The following ZDHHC15 variants were observed in gnomAD, a reference collection of about 807,000 sequenced individuals.
ZDHHC15 encodes palmitoyltransferase ZDHHC15.
In ZDHHC15, 19 loss-of-function variants were observed where a neutral mutation model predicts 31.7. That is an observed-to-expected ratio of 0.60 (90% CI 0.42 to 0.88). The LOEUF is 0.88. ZDHHC15 is among the 40% of genes least tolerant of loss of function. The probability of loss-of-function intolerance (pLI) is 0.00; values close to 1 mark genes in which losing one functional copy is unlikely to be tolerated. For synonymous variants in ZDHHC15, 103 were observed against 90.0 expected, an observed-to-expected ratio of 1.14 and a Z score of -0.82; for missense variants, 209 against 251.2, an observed-to-expected ratio of 0.83 and a Z score of 1.14.
At chrX:75,492,539 C>T (rs953902665) in intron 2 of ZDHHC15, among the ~76,000 whole-genome samples, 6 of 111,604 alleles carry the variant, frequency 5.4e-5, no homozygotes, top group African/African-American at 2.0e-4. Flanking sequence ...AAGTAAAGCA[C>T]TCCTCGGCAA....
chrX:75,384,032 G>A (rs955680366), intron 10 of ZDHHC15, among the ~76,000 whole-genome samples: 7 of 110,348 alleles, frequency 6.3e-5, no homozygotes, highest in Non-Finnish European at 1.3e-4. Flanking sequence ...GTGAACCACC[G>A]CACCCGGCCA....
chrX:75,488,493 C>T (rs936657025), intron 2 of ZDHHC15, among the ~76,000 whole-genome samples: 10 of 112,388 alleles, frequency 8.9e-5, no homozygotes, highest in Non-Finnish European at 1.9e-4. Context: ...CATTACCAAG[C>T]CAGCTCTACA....
intron 3 of ZDHHC15, among the ~76,000 whole-genome samples, chrX:75,471,752 G>C: frequency 8.9e-6 from 1 of 111,740 alleles, no homozygotes; most frequent in Admixed American, 9.5e-5. Context: ...TGCCACTTGG[G>C]CTATATGACC....
intron 7 of ZDHHC15, among the ~76,000 whole-genome samples, chrX:75,428,056 T>C (rs2083735119): frequency 9.0e-6 from 1 of 111,689 alleles, no homozygotes; most frequent in African/African-American, 3.2e-5. Flanking sequence ...ACTGAATTCA[T>C]GTTCTTTCTC....
At chrX:75,383,875 A>T (rs1237173967) in intron 10 of ZDHHC15, among the ~76,000 whole-genome samples, 1 of 104,072 alleles carries the variant, frequency 9.6e-6, no homozygotes, top group Non-Finnish European at 1.9e-5. Context: ...AGTAGCTGGG[A>T]CTACAGGCAT....
At chrX:75,396,587 C>T (rs2083301223) in intron 10 of ZDHHC15, among the ~76,000 whole-genome samples, 1 of 111,481 alleles carries the variant, frequency 9.0e-6, no homozygotes, top group African/African-American at 3.3e-5. Flanking sequence ...TTGGCATTTC[C>T]TCAGAAAACT....
intron 1 of ZDHHC15, among the ~76,000 whole-genome samples, chrX:75,516,554 T>C (rs1031532361): frequency 1.2e-4 from 14 of 112,178 alleles, no homozygotes; most frequent in African/African-American, 3.6e-4. Context: ...TGAAACTGGA[T>C]CCCTTCCTTA....
chrX:75,500,880 C>T (rs1040865835), intron 2 of ZDHHC15, among the ~76,000 whole-genome samples: 8 of 110,087 alleles, frequency 7.3e-5, no homozygotes, highest in African/African-American at 2.6e-4. Flanking sequence ...TCAGTGCCCT[C>T]TCACCTTCCT....
chrX:75,403,348 C>G (rs1602569917), intron 10 of ZDHHC15, among the ~76,000 whole-genome samples: 1 of 111,943 alleles, frequency 8.9e-6, no homozygotes, highest in Non-Finnish European at 1.9e-5. Context: ...CTCATCCCTT[C>G]TATTCAACGT....
At chrX:75,428,178 GT>G (rs1469586669) in intron 7 of ZDHHC15, among the ~76,000 whole-genome samples, 1 of 111,154 alleles carries the variant, frequency 9.0e-6, no homozygotes. Context: ...TTCAGGTTCA[GT>G]TTGGACAGCC....
rs753925656 is a variant in ZDHHC15, at chrX:75,517,107, G to A, written c.136+5782C>T. ...AAACAACAGGTGCTGGAGAAGATGT[G>A]GAGAAATAGGAACACTTTTATACTG... On this transcript the variant is annotated intron_variant, in intron 1 of 11. Transcript: ENST00000373367. 5.4e-5 allele frequency among the ~76,000 whole-genome samples: 6 copies of A among 111,780 alleles called. No individual in the cohort carries two copies. The South Asian group carries it at 2.3e-3, about 42-fold the overall frequency.
chrX:75,488,133 G>T (rs1033518795), intron 2 of ZDHHC15, among the ~76,000 whole-genome samples: 2 of 111,949 alleles, frequency 1.8e-5, no homozygotes, highest in Non-Finnish European at 3.8e-5. Context: ...CCCTGGTCTT[G>T]CTACTGATCT....
At position 75,429,216 on chromosome X, in the gene ZDHHC15, C is replaced by G; in HGVS notation, c.483-18G>C. 1 of 1,192,790 alleles carries G rather than the reference C, an allele frequency of 8.4e-7. No homozygotes were observed. The highest frequency in any genetic ancestry group is 1.1e-6 in the Non-Finnish European group (1 of 888,747). On this transcript the variant is annotated intron_variant, in intron 6 of 11. Transcript: ENST00000373367. ...TATTAACCCTAAAAAAAAAGAAAAA[C>G]TAATTTGACATCAGGACCTCTTGAT...
At chrX:75,408,357 A>G (rs1418070503) in intron 10 of ZDHHC15, among the ~76,000 whole-genome samples, 1 of 112,144 alleles carries the variant, frequency 8.9e-6, no homozygotes, top group Non-Finnish European at 1.9e-5. Flanking sequence ...AAAGCACATG[A>G]TTATTTCAAT....
Position 75,450,828 on chromosome X carries a change from G to A in ZDHHC15, c.353C>T (p.Pro118Leu). The A allele has an allele frequency of 8.3e-7, 1 of 1,210,729 alleles. No homozygotes were observed. Among genetic ancestry groups the A allele is most frequent in the East Asian group, 3.0e-5 (1 of 33,799 alleles). ...QMLVDMAKKL[P>L]VYTRTGSGAV... is the part of the protein sequence containing the mutation. ...TCCACTTCCAGTTCTTGTGTAAACC[G>A]GTAGCTTTTTGGCCATATCAACAAG... The change falls in exon 4 of 12, where the codon CCG becomes CTG. Residue 118 changes from proline to leucine, a missense_variant. Coordinates refer to ENST00000373367, the MANE Select transcript of ZDHHC15 (RefSeq NM_144969.3).
intron 2 of ZDHHC15, among the ~76,000 whole-genome samples, chrX:75,501,231 C>T (rs1036619070): frequency 1.8e-5 from 2 of 110,763 alleles, no homozygotes; most frequent in Admixed American, 9.7e-5. Context: ...ATTTTCTGTT[C>T]GGTAAAGATA....
chrX:75,471,068 C>T (rs1006587072), intron 3 of ZDHHC15, among the ~76,000 whole-genome samples: 5 of 112,006 alleles, frequency 4.5e-5, no homozygotes, highest in African/African-American at 1.3e-4. Context: ...ACGATGACTC[C>T]AATTGCAGCT....
chrX:75,410,584 A>G (rs1365454331), intron 10 of ZDHHC15, among the ~76,000 whole-genome samples: 2 of 111,893 alleles, frequency 1.8e-5, no homozygotes, highest in Admixed American at 9.5e-5. Context: ...AAGACCGTGA[A>G]TAATGGATGC....
At chrX:75,398,709 T>G (rs1317250938) in intron 10 of ZDHHC15, among the ~76,000 whole-genome samples, 1 of 108,266 alleles carries the variant, frequency 9.2e-6, no homozygotes, top group Non-Finnish European at 1.9e-5. Flanking sequence ...CCAACAGAGA[T>G]CTGAACTCCC....
Sources: allele counts gnomAD v4.1 joint callset (sites outside exome capture counted in the v4.1 genomes callset), GRCh38; gene constraint gnomAD v4.1.1; transcripts MANE v1.5; gene names NCBI Gene and HGNC (gene_info 2026-07-23, HGNC 2026-07-21).